The following TSPAN18 variants were observed in gnomAD, a reference collection of about 807,000 sequenced individuals.
TSPAN18 encodes the protein tetraspanin-18.
TSPAN18 carries 14 observed loss-of-function variants against 27.3 expected under a neutral mutation model. The ratio of observed to expected loss-of-function variants is 0.51; its 90% CI spans 0.34 to 0.80. The LOEUF (loss-of-function observed/expected upper bound fraction) is 0.80, where lower values mean the gene tolerates loss of function less well. TSPAN18 is among the 30% of genes least tolerant of loss of function. TSPAN18 has a pLI of 0.01. For missense variants in TSPAN18, 268 were observed against 323.9 expected (o/e 0.83, Z 1.32); for synonymous variants, 143 against 136.5 (o/e 1.05, Z -0.33).
intron 4 of TSPAN18, 34 bp downstream of exon 4, chr11:44,906,513 G>A: frequency 1.9e-6 from 3 of 1,586,706 alleles, no homozygotes; most frequent in Non-Finnish European, 1.7e-6. Flanking sequence ...GGCCTCTGCT[G>A]GGTGGGCAGA....
At chr11:44,838,566 C>T (rs1303127160) in intron 2 of TSPAN18, among the ~76,000 whole-genome samples, 1 of 152,104 alleles carries the variant, frequency 6.6e-6, no homozygotes, top group Non-Finnish European at 1.5e-5. Context: ...TGCAGCCAAT[C>T]AAATCACACG....
intron 2 of TSPAN18, among the ~76,000 whole-genome samples, chr11:44,810,269 A>G (rs988484092): frequency 2.6e-5 from 4 of 152,096 alleles, no homozygotes; most frequent in African/African-American, 9.7e-5. Context: ...CCCCTTATCC[A>G]TCAAGCAGTT....
At chr11:44,789,984 A>G (rs1160056996) in intron 2 of TSPAN18, among the ~76,000 whole-genome samples, 1 of 152,134 alleles carries the variant, frequency 6.6e-6, no homozygotes, top group East Asian at 1.9e-4. Context: ...TGATCTGGTG[A>G]GTCCACAGGA....
At chr11:44,887,520 A>T (rs1193257841) in intron 3 of TSPAN18, among the ~76,000 whole-genome samples, 2 of 152,156 alleles carry the variant, frequency 1.3e-5, no homozygotes, top group African/African-American at 4.8e-5. Context: ...GGTTCAAAGG[A>T]GATAATGTAA....
chr11:44,818,036 A>G (rs935639585), intron 2 of TSPAN18, among the ~76,000 whole-genome samples: 1 of 152,232 alleles, frequency 6.6e-6, no homozygotes, highest in Non-Finnish European at 1.5e-5. Flanking sequence ...GGGCTGGGGT[A>G]GGGATCTGCA....
intron 2 of TSPAN18, among the ~76,000 whole-genome samples, chr11:44,783,808 T>C (rs576610460): frequency 2.5e-4 from 38 of 152,322 alleles, no homozygotes; most frequent in African/African-American, 9.1e-4. Context: ...TCTTATGTCA[T>C]GGCCTGTCAG....
At chr11:44,820,243 T>A (rs1856899441) in intron 2 of TSPAN18, among the ~76,000 whole-genome samples, 1 of 152,230 alleles carries the variant, frequency 6.6e-6, no homozygotes, top group Non-Finnish European at 1.5e-5. Context: ...AAGTTTCTCA[T>A]AGCCAACTGG....
intron 3 of TSPAN18, among the ~76,000 whole-genome samples, chr11:44,890,499 G>A (rs995193352): frequency 1.3e-5 from 2 of 152,040 alleles, no homozygotes; most frequent in African/African-American, 4.8e-5. Context: ...CAAGGCAGGC[G>A]GATCACGAGG....
chr11:44,781,712 T>C (rs1855943690), intron 2 of TSPAN18, among the ~76,000 whole-genome samples: 1 of 152,196 alleles, frequency 6.6e-6, no homozygotes, highest in African/African-American at 2.4e-5. Context: ...AGCTACAGAC[T>C]TTACTGAGGT....
At chr11:44,883,964 C>T (rs191099445) in intron 3 of TSPAN18, among the ~76,000 whole-genome samples, 132 of 151,786 alleles carry the variant, frequency 8.7e-4, no homozygotes, top group African/African-American at 3.1e-3. Context: ...TATTTACAAC[C>T]GTTTCTGGCA....
intron 3 of TSPAN18, among the ~76,000 whole-genome samples, chr11:44,870,440 G>A (rs1858163022): frequency 6.6e-6 from 1 of 152,232 alleles, no homozygotes; most frequent in Non-Finnish European, 1.5e-5. Flanking sequence ...CTTTTTAAGA[G>A]TTGGAAGAGC....
At chr11:44,728,600 C>A (rs1407800894) in intron 1 of TSPAN18, among the ~76,000 whole-genome samples, 1 of 152,106 alleles carries the variant, frequency 6.6e-6, no homozygotes. Context: ...CAGCAGTCAA[C>A]GAGCCCTGGC....
At chr11:44,916,237 G>A (rs994320414) in intron 5 of TSPAN18, among the ~76,000 whole-genome samples, 2 of 152,234 alleles carry the variant, frequency 1.3e-5, no homozygotes, top group South Asian at 4.1e-4. Context: ...ACCTCTAGAA[G>A]GCAGCCGCTG....
intron 2 of TSPAN18, among the ~76,000 whole-genome samples, chr11:44,818,584 G>A (rs972056797): frequency 6.6e-6 from 1 of 152,120 alleles, no homozygotes; most frequent in African/African-American, 2.4e-5. Flanking sequence ...TCCGGGAAGA[G>A]CTAGAGCATC....
intron 1 of TSPAN18, among the ~76,000 whole-genome samples, chr11:44,748,024 T>C (rs1228662450): frequency 6.6e-6 from 1 of 152,236 alleles, no homozygotes; most frequent in Non-Finnish European, 1.5e-5. Flanking sequence ...GCTCTGTGGC[T>C]GTGTGATATG....
chr11:44,917,253 AATG>A (rs533120812), intron 5 of TSPAN18, among the ~76,000 whole-genome samples: 179 of 152,316 alleles, frequency 1.2e-3, no homozygotes, highest in Non-Finnish European at 2.0e-3. Flanking sequence ...GATCTGGAGA[AATG>A]AGGAACTGGT....
chr11:44,842,047 C>G (rs188153847), intron 2 of TSPAN18, among the ~76,000 whole-genome samples: 1 of 152,186 alleles, frequency 6.6e-6, no homozygotes, highest in Admixed American at 6.5e-5. Flanking sequence ...AGGTGGGAAA[C>G]AGGTTGTTAG....
intron 2 of TSPAN18, among the ~76,000 whole-genome samples, chr11:44,776,684 C>T (rs183520111): frequency 2.6e-5 from 4 of 152,304 alleles, no homozygotes; most frequent in Non-Finnish European, 5.9e-5. Context: ...CCCCGACTCT[C>T]CGTGTGACTA....
At chr11:44,751,369 A>G (rs371098348) in intron 1 of TSPAN18, among the ~76,000 whole-genome samples, 2 of 152,128 alleles carry the variant, frequency 1.3e-5, no homozygotes, top group African/African-American at 4.8e-5. Context: ...CCTGGGGTTC[A>G]GATGCTGGCT....
Sources: allele counts gnomAD v4.1 joint callset (sites outside exome capture counted in the v4.1 genomes callset), GRCh38; gene constraint gnomAD v4.1.1; transcripts MANE v1.5; gene names NCBI Gene and HGNC (gene_info 2026-07-23, HGNC 2026-07-21).